The following KATNIP variants were observed in gnomAD, a reference collection of about 807,000 sequenced individuals.
KATNIP encodes katanin interacting protein.
Under a neutral mutation model 174.0 loss-of-function variants are expected in KATNIP, and 126 were observed. The observed-to-expected ratio is 0.72, with a 90% CI of 0.63 to 0.84. The LOEUF (loss-of-function observed/expected upper bound fraction) is 0.84, where lower values mean the gene tolerates loss of function less well. KATNIP is among the 40% of genes least tolerant of loss of function. The pLI is 0.00. For missense variants in KATNIP, 1,958 were observed against 2,109.7 expected, an observed-to-expected ratio of 0.93 and a Z score of 1.41; for synonymous variants, 810 against 835.7, an observed-to-expected ratio of 0.97 and a Z score of 0.53.
At chr16:27,747,702 T>C (rs947087528) in intron 15 of KATNIP, among the ~76,000 whole-genome samples, 2 of 128,100 alleles carry the variant, frequency 1.6e-5, no homozygotes, top group African/African-American at 6.2e-5. Context: ...GGAGTTTGAG[T>C]GAGCAAAACA....
chr16:27,604,292 G>A (rs9931013), intron 2 of KATNIP, among the ~76,000 whole-genome samples: 118,033 of 151,972 alleles, frequency 0.78, 46,650 homozygotes, highest in South Asian at 0.89. Context: ...TAGAGATAGA[G>A]TCTCACTGTG....
chr16:27,754,468 A>G (rs1423657238), intron 18 of KATNIP: 2 of 564,860 alleles, frequency 3.5e-6, no homozygotes, highest in African/African-American at 3.8e-5. Context: ...GGCATCTCTT[A>G]GCATTTTGCC....
chr16:27,600,049 A>T (rs1291658629), intron 2 of KATNIP, among the ~76,000 whole-genome samples: 2 of 151,296 alleles, frequency 1.3e-5, no homozygotes, highest in Non-Finnish European at 2.9e-5. Flanking sequence ...CGCCTCCCCC[A>T]CCTTCCGAGC....
chr16:27,721,816 T>C, intron 14 of KATNIP, 121 bp downstream of exon 14: 2 of 1,107,794 alleles, frequency 1.8e-6, no homozygotes, highest in Non-Finnish European at 1.3e-6. Context: ...TGGCCTCGTG[T>C]GTGCAGCAAG....
chr16:27,769,910 AG>A lies in KATNIP; in HGVS notation c.4028del (p.Gly1343AlafsTer39), dbSNP rs1474063544. 1 of 1,614,110 alleles carries A rather than the reference AG, an allele frequency of 6.2e-7. No individual in the cohort carries two copies. Among genetic ancestry groups the A allele is most frequent in the Non-Finnish European group, 8.5e-7 (1 of 1,180,048 alleles). On this transcript the variant is annotated frameshift_variant, in exon 21 of 28. Transcript: ENST00000261588. LOFTEE classifies it high-confidence loss of function. Reference sequence around the variant, plus strand: ...GATGGCCTGTGCGTCTCCCCGCCAGAGGGCTTTCTCATCCGGAAGGGGCCAG... The same window carrying A: ...GATGGCCTGTGCGTCTCCCCGCCAGAGGCTTTCTCATCCGGAAGGGGCCAG... ...SLDGLCVSPP[E>X]GFLIRKGPGN...
At chr16:27,550,407 G>A (rs2089298523) in intron 1 of KATNIP, among the ~76,000 whole-genome samples, 1 of 152,154 alleles carries the variant, frequency 6.6e-6, no homozygotes, top group Non-Finnish European at 1.5e-5. Flanking sequence ...GAAGGAAACC[G>A]GTACTGGCCG....
In KATNIP at chr16:27,777,908, G is replaced by T; in HGVS notation, c.4740G>T (p.Gln1580His). The T allele has an allele frequency of 6.2e-7, 1 of 1,614,232 alleles. No homozygotes were observed. The highest frequency in any genetic ancestry group is 8.5e-7 in the Non-Finnish European group (1 of 1,180,032). The part of the protein sequence containing the change: ...ISNQAEDQDV[Q>H]MMNENQIITN... ...ATCAGGCCGAGGATCAAGATGTCCA[G>T]ATGATGAATGAAAACCAAATCATTA... Residue 1580 changes from glutamine to histidine, a missense_variant, in exon 27 of 28, where the codon CAG (glutamine) becomes CAT (histidine). Gln to His is a conservative substitution (Grantham distance 24). Transcript: ENST00000261588. The surrounding 1 kb of genome is among the most constrained non-coding windows in gnomAD (Gnocchi z 4.4).
chr16:27,612,388 G>A (rs2075915798), intron 2 of KATNIP, among the ~76,000 whole-genome samples: 1 of 152,238 alleles, frequency 6.6e-6, no homozygotes, highest in Middle Eastern at 3.4e-3. Context: ...GTGAATGGTG[G>A]GAAATAAAGT....
Position 27,776,255 on chromosome 16 carries a change from A to G in KATNIP, c.4450-673A>G, listed in dbSNP as rs2082494688. On this transcript the variant is annotated intron_variant, in intron 24 of 27. Transcript: ENST00000261588. The surrounding 1 kb of genome is among the most constrained non-coding windows in gnomAD (Gnocchi z 4.7). ...GGGACCAGGGCCTGGGGCAGGACTG[A>G]GCCTGCAGTCTGTGGCCAGTGTGGA... Among the ~76,000 whole-genome samples, 1 of 151,986 alleles carries G rather than the reference A, an allele frequency of 6.6e-6. No individual in the cohort carries two copies. The highest frequency in any genetic ancestry group is 2.1e-4 in the South Asian group (1 of 4,812).
intron 5 of KATNIP, among the ~76,000 whole-genome samples, chr16:27,644,009 G>A (rs1168135563): frequency 7.0e-6 from 1 of 143,820 alleles, no homozygotes; most frequent in African/African-American, 2.6e-5. Context: ...CCATCTTCCA[G>A]AGACATAATC....
At chr16:27,619,279 T>G (rs1189200914) in intron 3 of KATNIP, among the ~76,000 whole-genome samples, 1 of 152,178 alleles carries the variant, frequency 6.6e-6, no homozygotes, top group Non-Finnish European at 1.5e-5. Flanking sequence ...TTCCCCCAGG[T>G]CCTGATCCTC....
At chr16:27,645,395 AG>A (rs1170618908) in intron 5 of KATNIP, among the ~76,000 whole-genome samples, 2 of 152,238 alleles carry the variant, frequency 1.3e-5, no homozygotes, top group Admixed American at 1.3e-4. Flanking sequence ...AGTAGGCATC[AG>A]AGTTCCAGGA....
intron 14 of KATNIP, among the ~76,000 whole-genome samples, chr16:27,737,335 T>G (rs1371404391): frequency 2.0e-5 from 3 of 151,992 alleles, no homozygotes; most frequent in African/African-American, 7.3e-5. Context: ...TGAACCCTGA[T>G]CGAGCCACTG....
At chr16:27,600,792 C>T (rs1009585051) in intron 2 of KATNIP, among the ~76,000 whole-genome samples, 3 of 151,384 alleles carry the variant, frequency 2.0e-5, no homozygotes, top group East Asian at 1.9e-4. Flanking sequence ...TGCAGTGGCG[C>T]AATCTCGGCT....
At chr16:27,642,256 T>C (rs1266344623) in intron 5 of KATNIP, among the ~76,000 whole-genome samples, 1 of 152,150 alleles carries the variant, frequency 6.6e-6, no homozygotes, top group Non-Finnish European at 1.5e-5. Flanking sequence ...AAACTATATG[T>C]CCTTTGTAGG....
intron 2 of KATNIP, among the ~76,000 whole-genome samples, chr16:27,593,032 C>T (rs1881859659): frequency 1.3e-5 from 2 of 152,190 alleles, no homozygotes; most frequent in Non-Finnish European, 2.9e-5. Context: ...ATGGAGCCCT[C>T]CAGGGTCCTG....
chr16:27,763,351 A>G (rs976661528), intron 19 of KATNIP, among the ~76,000 whole-genome samples: 10 of 146,230 alleles, frequency 6.8e-5, no homozygotes, highest in Non-Finnish European at 1.2e-4. Context: ...ATGTCCCTGT[A>G]GTCCCAGCTA....
rs550000059 is a variant in KATNIP at position 27,616,180 on chromosome 16, T to C, written c.64-2245T>C. 3.3e-5 allele frequency among the ~76,000 whole-genome samples: 5 copies of C among 152,184 alleles called. No individual in the cohort carries two copies. In the East Asian group the frequency reaches 7.7e-4, roughly 24 times the overall value. ...TGAGTTCAGGAGTTTAAGACCAGAC[T>C]GGCCAACATGGTAAAACCCTGTCTC... On this transcript the variant is annotated intron_variant, in intron 2 of 27. Transcript: ENST00000261588.
chr16:27,700,552 TG>T (rs1295620608), intron 10 of KATNIP, among the ~76,000 whole-genome samples: 1 of 151,318 alleles, frequency 6.6e-6, no homozygotes, highest in Non-Finnish European at 1.5e-5. Flanking sequence ...GGGTGTGGGG[TG>T]GTGGCTGCTG....
Sources: allele counts gnomAD v4.1 joint callset (sites outside exome capture counted in the v4.1 genomes callset), GRCh38; gene constraint gnomAD v4.1.1; non-coding constraint Gnocchi (gnomAD v3.1); transcripts MANE v1.5; gene names NCBI Gene and HGNC (gene_info 2026-07-23, HGNC 2026-07-21).